The following ASAP1 variants were observed in gnomAD, a reference collection of about 807,000 sequenced individuals.
The protein encoded by ASAP1 is ArfGAP with SH3 domain, ankyrin repeat and PH domain 1, also known as arf-GAP with SH3 domain, ANK repeat and PH domain-containing protein 1.
A neutral mutation model predicts 145.2 loss-of-function variants in ASAP1; 43 were observed. The observed-to-expected ratio is 0.30, with a 90% CI of 0.23 to 0.38. ASAP1 has a LOEUF of 0.38. Ranked by LOEUF, ASAP1 falls within the 10% of genes least tolerant of loss-of-function variation. The probability of loss-of-function intolerance (pLI) is 1.00; values close to 1 mark genes in which losing one functional copy is unlikely to be tolerated. For missense variants in ASAP1, 1,018 were observed against 1,355.3 expected, an observed-to-expected ratio of 0.75 and a Z score of 3.91; for synonymous variants, 546 against 515.5, an observed-to-expected ratio of 1.06 and a Z score of -0.80.
At chr8:130,305,457 G>A (rs1004063520) in intron 3 of ASAP1, among the ~76,000 whole-genome samples, 5 of 152,118 alleles carry the variant, frequency 3.3e-5, no homozygotes, top group African/African-American at 9.7e-5. Context: ...TCCGCCTCCC[G>A]GGTTCAAGCG....
At chr8:130,074,435 T>G in intron 27 of ASAP1, among the ~76,000 whole-genome samples, 1 of 129,308 alleles carries the variant, frequency 7.7e-6, no homozygotes, top group Non-Finnish European at 1.6e-5. Context: ...AAATTCCAAA[T>G]AGTAAACACA....
intron 5 of ASAP1, among the ~76,000 whole-genome samples, chr8:130,208,908 C>A (rs1226000707): frequency 6.6e-6 from 1 of 152,050 alleles, no homozygotes; most frequent in African/African-American, 2.4e-5. Flanking sequence ...CATGTCATTT[C>A]ATCTATTTGC....
At chr8:130,406,711 G>A (rs1397259610) in intron 1 of ASAP1, among the ~76,000 whole-genome samples, 1 of 152,082 alleles carries the variant, frequency 6.6e-6, no homozygotes, top group Non-Finnish European at 1.5e-5. Flanking sequence ...TCGAACTCCT[G>A]ACCTCAGGTG....
intron 3 of ASAP1, among the ~76,000 whole-genome samples, chr8:130,347,639 C>A (rs893131846): frequency 1.3e-5 from 2 of 152,152 alleles, no homozygotes; most frequent in Non-Finnish European, 2.9e-5. Flanking sequence ...CTTAGCCCCA[C>A]CCATCACATA....
At chr8:130,156,458 C>A (rs926750452) in intron 12 of ASAP1, among the ~76,000 whole-genome samples, 1 of 152,184 alleles carries the variant, frequency 6.6e-6, no homozygotes, top group African/African-American at 2.4e-5. Flanking sequence ...GGGTGAGGAC[C>A]GTATCTCATT....
chr8:130,443,236 T>A (rs1191428426), intron 1 of ASAP1, among the ~76,000 whole-genome samples: 41 of 149,456 alleles, frequency 2.7e-4, no homozygotes, highest in African/African-American at 1.0e-3. Context: ...CCGGGCGGCC[T>A]CGCCCGGCCC....
At chr8:130,210,159 A>C (rs1816490008) in intron 5 of ASAP1, among the ~76,000 whole-genome samples, 1 of 152,124 alleles carries the variant, frequency 6.6e-6, no homozygotes, top group Admixed American at 6.5e-5. Context: ...TTTCCCATCT[A>C]CCTCAACTAA....
chr8:130,285,892 A>C (rs1021751197), intron 3 of ASAP1, among the ~76,000 whole-genome samples: 3 of 152,246 alleles, frequency 2.0e-5, no homozygotes, highest in Non-Finnish European at 4.4e-5. Flanking sequence ...AATAAATAAA[A>C]GCAAAATAAT....
intron 5 of ASAP1, 141 bp from the exon 6 acceptor site, chr8:130,188,324 ATGACACCTCTGTAGG>A: frequency 1.5e-6 from 1 of 676,334 alleles, no homozygotes; most frequent in Non-Finnish European, 2.6e-6. Flanking sequence ...TTGAACCTAC[ATGACACCTCTGTAGG>A]TTAGGCGACA....
At chr8:130,232,514 T>G (rs1817965489) in intron 4 of ASAP1, among the ~76,000 whole-genome samples, 2 of 152,124 alleles carry the variant, frequency 1.3e-5, no homozygotes, top group African/African-American at 4.8e-5. Context: ...TTCACAGAAT[T>G]GAGTTTTGTG....
At chr8:130,236,220 T>C (rs192683935) in intron 4 of ASAP1, among the ~76,000 whole-genome samples, 74 of 152,248 alleles carry the variant, frequency 4.9e-4, no homozygotes, top group Admixed American at 3.9e-3. Flanking sequence ...GGTACTGCAA[T>C]AGTAACAAAA....
chr8:130,357,735 C>CAGGG lies in ASAP1; in HGVS notation c.186+278_186+281dup, dbSNP rs1488803134. On this transcript the variant is annotated intron_variant, in intron 3 of 29. Transcript: ENST00000518721. Reference sequence around the variant, plus strand: ...TGTGGAAGCGCCGAACAGTGCATGCCAGGGACAGGACTTCCATCTTCTGTC... The same window carrying CAGGG: ...TGTGGAAGCGCCGAACAGTGCATGCCAGGGAGGGACAGGACTTCCATCTTCTGTC... 2.0e-5 allele frequency among the ~76,000 whole-genome samples: 3 copies of CAGGG among 152,236 alleles called. No individual in the cohort carries two copies. In the East Asian group the frequency reaches 5.8e-4, roughly 29 times the overall value.
intron 3 of ASAP1, among the ~76,000 whole-genome samples, chr8:130,283,778 T>C (rs563678026): frequency 1.1e-4 from 17 of 152,146 alleles, no homozygotes; most frequent in African/African-American, 2.4e-4. Flanking sequence ...AAACCAGGTC[T>C]AGAAAATCAG....
intron 4 of ASAP1, among the ~76,000 whole-genome samples, chr8:130,223,029 A>T (rs1305356299): frequency 6.6e-6 from 1 of 152,236 alleles, no homozygotes; most frequent in African/African-American, 2.4e-5. Flanking sequence ...TTCATATATA[A>T]AACAGGTCTA....
intron 5 of ASAP1, among the ~76,000 whole-genome samples, chr8:130,191,364 TG>T (rs962939654): frequency 2.6e-5 from 4 of 152,216 alleles, no homozygotes; most frequent in Non-Finnish European, 5.9e-5. Context: ...GAAAGGTTTG[TG>T]GGTCCCCTCA....
intron 1 of ASAP1, among the ~76,000 whole-genome samples, chr8:130,435,331 C>T (rs1212899466): frequency 1.3e-5 from 2 of 152,212 alleles, no homozygotes; most frequent in Non-Finnish European, 2.9e-5. Context: ...TCTTCAAGCA[C>T]ATGCATTTTC....
intron 15 of ASAP1, among the ~76,000 whole-genome samples, chr8:130,130,240 T>C (rs529821957): frequency 4.6e-5 from 7 of 152,346 alleles, no homozygotes; most frequent in East Asian, 3.9e-4. Flanking sequence ...TTAGGGTTTA[T>C]AATACTTTAT....
rs761703345 is a variant in ASAP1 at position 130,159,947 on chromosome 8, T to A, written c.927A>T (p.Gln309His). 3.7e-6 allele frequency: 6 copies of A among 1,613,962 alleles called. No individual in the cohort carries two copies. In the Admixed American group the frequency reaches 1.0e-4, roughly 27 times the overall value. ...LDQKEDSQSR[Q>H]GGYSMHQLQG... Reference sequence around the variant, plus strand: ...GGAGCTGATGCATGCTGTATCCTCCTTGCCGGCTCTGAGAATCCTAGGAAA... The same window carrying A: ...GGAGCTGATGCATGCTGTATCCTCCATGCCGGCTCTGAGAATCCTAGGAAA... The change falls in exon 12 of 30, where the codon CAA (glutamine) becomes CAT (histidine). Residue 309 changes from glutamine (Q) to histidine (H), a missense_variant. Physicochemically the swap from Gln to His is conservative, Grantham distance 24. Around this residue, in one of 9 missense-constraint regions of ASAP1, gnomAD observed 62 missense variants for 68.5 expected, o/e 0.90. Coordinates refer to ENST00000518721, the MANE Select transcript of ASAP1 (RefSeq NM_018482.4).
chr8:130,327,294 A>C lies in ASAP1; in HGVS notation c.186+30723T>G, dbSNP rs141254175. Among the ~76,000 whole-genome samples the C allele has an allele frequency of 2.0e-5, 3 of 152,222 alleles. No homozygotes were observed. In the East Asian group the frequency reaches 5.8e-4, roughly 29 times the overall value. On this transcript the variant is annotated intron_variant, in intron 3 of 29. Transcript: ENST00000518721. ...ATAAGTCACTCATCCTCTCCCACCA[A>C]ACTGTTGTACCAAAATTGTTGGGCA...
Sources: allele counts gnomAD v4.1 joint callset (sites outside exome capture counted in the v4.1 genomes callset), GRCh38; gene constraint gnomAD v4.1.1; regional missense constraint gnomAD v4.1.1; transcripts MANE v1.5; gene names NCBI Gene and HGNC (gene_info 2026-07-23, HGNC 2026-07-21).